Variants in RFWD3 observed in about 807,000 individuals in gnomAD.
RFWD3 encodes ring finger and WD repeat domain 3.
A neutral mutation model predicts 87.7 loss-of-function variants in RFWD3; 65 were observed. The observed-to-expected ratio is 0.74, with a 90% CI of 0.61 to 0.91. The LOEUF is 0.91. Among genes scored for constraint, RFWD3 ranks in the 40% least tolerant of loss-of-function variants. The probability of loss-of-function intolerance (pLI) is 0.00; values close to 1 mark genes in which losing one functional copy is unlikely to be tolerated. For missense variants in RFWD3, 1,078 were observed against 938.5 expected (o/e 1.15, Z -1.94); for synonymous variants, 433 against 352.8 (o/e 1.23, Z -2.55).
At position 74,622,276 on chromosome 16, in the gene RFWD3, T is replaced by A. The variant is rs1336908081; in HGVS notation, c.*1652A>T. ...TCATTAACATATCAAAAGGAGTATC[T>A]CCTCTGAGAAAAGAGCTTTTCTCAG... On this transcript the variant is annotated 3_prime_UTR_variant, in exon 13 of 13. Transcript: ENST00000361070. The A allele has an allele frequency of 2.6e-5, 4 of 152,132 alleles. No homozygotes were observed. Among genetic ancestry groups the A allele is most frequent in the Non-Finnish European group, 5.9e-5 (4 of 68,036 alleles). 9.4% of individuals were successfully genotyped at this position (152,132 alleles called of 1,614,324 possible). A position where few individuals can be genotyped will look rare whatever the true frequency, so the allele number is the denominator to read the frequency against.
chr16:74,626,332 A>G lies in RFWD3; in HGVS notation c.2181+11T>C. 6.2e-7 allele frequency: 1 copy of G among 1,610,386 alleles called. No homozygotes were observed. Among genetic ancestry groups the G allele is most frequent in the Non-Finnish European group, 8.5e-7 (1 of 1,176,818 alleles). On this transcript the variant is annotated intron_variant, in intron 12 of 12. Coordinates refer to ENST00000361070, the MANE Select transcript of RFWD3 (RefSeq NM_018124.4). ...ACTTTTTATATGAAAGTAAAAAAGT[A>G]ACAGGCTCACCAGGGCAGAATTTGC... is the stretch of plus-strand genomic sequence containing the variant.
At chr16:74,641,405 C>T (rs945520858) in intron 6 of RFWD3, among the ~76,000 whole-genome samples, 3 of 151,952 alleles carry the variant, frequency 2.0e-5, no homozygotes, top group Non-Finnish European at 4.4e-5. Context: ...TCAGATGATC[C>T]GCCCACCTCA....
At chr16:74,644,116 C>A in intron 6 of RFWD3, 1 of 550,332 alleles carries the variant, frequency 1.8e-6, no homozygotes, top group Non-Finnish European at 3.3e-6. Context: ...AAAATGGCAA[C>A]AGAAGTAATG....
intron 9 of RFWD3, 90 bp from the exon 10 acceptor site, chr16:74,631,047 T>A: frequency 2.5e-6 from 3 of 1,221,432 alleles, no homozygotes; most frequent in Non-Finnish European, 3.4e-6. Flanking sequence ...TGATCATTAA[T>A]CCTTACTGAG....
chr16:74,641,304 A>C (rs1419377644), intron 6 of RFWD3, among the ~76,000 whole-genome samples: 1 of 152,038 alleles, frequency 6.6e-6, no homozygotes, highest in East Asian at 1.9e-4. Context: ...CTGGGACTAC[A>C]GGTGCGTGCC....
At chr16:74,660,599 A>C (rs975418565) in intron 2 of RFWD3, 2 of 228,680 alleles carry the variant, frequency 8.7e-6, no homozygotes, top group African/African-American at 4.6e-5. Context: ...TTGTGCCCCC[A>C]GGTGGAATGC....
chr16:74,622,438 A>G lies in RFWD3; in HGVS notation c.*1490T>C, dbSNP rs1436491480. 2 of 150,938 alleles carry G rather than the reference A, an allele frequency of 1.3e-5. No homozygotes were observed. The highest frequency in any genetic ancestry group is 6.7e-5 in the Admixed American group (1 of 15,002). 9.3% of individuals were successfully genotyped at this position (150,938 alleles called of 1,614,324 possible). A position where few individuals can be genotyped will look rare whatever the true frequency, so the allele number is the denominator to read the frequency against. On this transcript the variant is annotated 3_prime_UTR_variant, in exon 13 of 13. Coordinates refer to ENST00000361070, the MANE Select transcript of RFWD3 (RefSeq NM_018124.4). ...CCAGGAGTCCAAGACCAGCCTGGAC[A>G]ACGTAGTGAAACATCTATTTCTACA...
At position 74,622,804 on chromosome 16, in the gene RFWD3, T is replaced by C. The variant is rs1277596959; in HGVS notation, c.*1124A>G. 2.6e-5 allele frequency: 4 copies of C among 152,182 alleles called. No individual in the cohort carries two copies. The highest frequency in any genetic ancestry group is 9.7e-5 in the African/African-American group (4 of 41,422). 9.4% of individuals were successfully genotyped at this position (152,182 alleles called of 1,614,324 possible). ...ATACAAACTGAGCCCTAGAAAAGGT[T>C]AGGGAGGCAAATCAAAGGAAACTGG... On this transcript the variant is annotated 3_prime_UTR_variant, in exon 13 of 13. Coordinates refer to ENST00000361070, the MANE Select transcript of RFWD3 (RefSeq NM_018124.4).
rs1238813457 is a variant in RFWD3, at chr16:74,626,441, T to C, written c.2083A>G (p.Thr695Ala). The change falls in exon 12 of 13, where the codon ACT becomes GCT. Residue 695 changes from threonine (T) to alanine (A), a missense_variant. Physicochemically the swap from Thr to Ala is moderately conservative, Grantham distance 58. Coordinates refer to ENST00000361070, the MANE Select transcript of RFWD3 (RefSeq NM_018124.4). ...GCATTTTTGGTCAATAGTTTGCAAG[T>C]AGGTCCTCCAAAAAATGTATGTACA... is the stretch of plus-strand genomic sequence containing the variant. ...QPVHTFFGGPTCKLLTKNAIF... is the reference protein window; with the variant it reads ...QPVHTFFGGPACKLLTKNAIF... The C allele has an allele frequency of 2.5e-6, 4 of 1,614,084 alleles. No individual in the cohort carries two copies. In the South Asian group the frequency reaches 3.3e-5, roughly 13 times the overall value.
chr16:74,628,575 A>T lies in RFWD3; in HGVS notation c.1846T>A (p.Ser616Thr). Residue 616 changes from serine to threonine, a missense_variant, in exon 11 of 13, where the codon TCA becomes ACA. Coordinates refer to ENST00000361070, the MANE Select transcript of RFWD3 (RefSeq NM_018124.4). Reference protein sequence around the residue: ...GVLAGTLEDASFWEQKMDFSH... With the variant: ...GVLAGTLEDATFWEQKMDFSH... ...AAGTCCATTTTCTGTTCCCAGAATG[A>T]AGCATCCTCCAAGGTTCCAGCCAGC... is the stretch of plus-strand genomic sequence containing the variant. 6.2e-7 allele frequency: 1 copy of T among 1,614,162 alleles called. No homozygotes were observed. Among genetic ancestry groups the T allele is most frequent in the Non-Finnish European group, 8.5e-7 (1 of 1,180,036 alleles).
At chr16:74,664,760 A>G (rs1356793367) in intron 1 of RFWD3, 1 of 151,738 alleles carries the variant, frequency 6.6e-6, no homozygotes, top group Non-Finnish European at 1.5e-5. Context: ...AAAAAGAAAA[A>G]AGAAAGAAAT....
At chr16:74,643,270 C>T (rs879418485) in intron 6 of RFWD3, among the ~76,000 whole-genome samples, 3 of 152,082 alleles carry the variant, frequency 2.0e-5, no homozygotes, top group African/African-American at 7.2e-5. Flanking sequence ...AGTGAGCCAC[C>T]GCACCAGCCT....
chr16:74,665,754 TTC>T (rs879309428), intron 1 of RFWD3, among the ~76,000 whole-genome samples: 6,986 of 151,408 alleles, frequency 0.046, 520 homozygotes, highest in African/African-American at 0.15. Context: ...CTTTCTTTCT[TTC>T]TTTTTTTGAG....
chr16:74,650,900 AC>A (rs1960513251), intron 3 of RFWD3, among the ~76,000 whole-genome samples: 1 of 151,968 alleles, frequency 6.6e-6, no homozygotes, highest in African/African-American at 2.4e-5. Flanking sequence ...GAAAAAAAAA[AC>A]AACAAAAAAA....
chr16:74,628,004 T>C (rs555508978), intron 11 of RFWD3, among the ~76,000 whole-genome samples: 2 of 152,298 alleles, frequency 1.3e-5, no homozygotes, highest in East Asian at 3.9e-4. Flanking sequence ...GAGGCAGAGA[T>C]GTTCAGCTGG....
At chr16:74,643,449 G>A (rs1959827345) in intron 6 of RFWD3, among the ~76,000 whole-genome samples, 1 of 152,114 alleles carries the variant, frequency 6.6e-6, no homozygotes, top group Non-Finnish European at 1.5e-5. Flanking sequence ...GTTTCATTAA[G>A]TAAATCTTGG....
intron 1 of RFWD3, among the ~76,000 whole-genome samples, chr16:74,666,037 GAAGA>G (rs1961863753): frequency 6.6e-6 from 1 of 152,086 alleles, no homozygotes; most frequent in African/African-American, 2.4e-5. Context: ...AAAAAGGGAG[GAAGA>G]GAGAGGGAGA....
chr16:74,628,991 TAAGAA>T (rs144731516), intron 10 of RFWD3, among the ~76,000 whole-genome samples: 18,722 of 152,134 alleles, frequency 0.12, 1,407 homozygotes, highest in Admixed American at 0.23. Flanking sequence ...TTTAGCCACA[TAAGAA>T]AAGTCAGAAA....
At chr16:74,644,500 C>T in intron 5 of RFWD3, 41 bp downstream of exon 5, 2 of 1,614,122 alleles carry the variant, frequency 1.2e-6, no homozygotes. Flanking sequence ...AGGAATCTGC[C>T]TGACTTAACA....
Sources: gnomAD v4.1 joint callset for allele counts (sites outside exome capture counted in the v4.1 genomes callset) on GRCh38, gnomAD v4.1.1 for gene constraint, MANE v1.5 for transcripts, NCBI Gene and HGNC (gene_info 2026-07-23, HGNC 2026-07-21) for gene names.